Variants in UBN2 observed in about 807,000 individuals in gnomAD.
UBN2 encodes ubinuclein 2, also known as ubinuclein-2.
Under a neutral mutation model 120.2 loss-of-function variants are expected in UBN2, and 35 were observed. The ratio of observed to expected loss-of-function variants is 0.29; its 90% confidence interval spans 0.22 to 0.39. The LOEUF (loss-of-function observed/expected upper bound fraction) is 0.39. UBN2 is among the 10% of genes least tolerant of loss of function. The pLI is 1.00. For synonymous variants in UBN2, 661 were observed against 648.7 expected, an observed-to-expected ratio of 1.02 and a Z score of -0.29; for missense variants, 1,693 against 1,663.2, an observed-to-expected ratio of 1.02 and a Z score of -0.31.
chr7:139,257,445 G>C (rs1796793160), intron 3 of UBN2, among the ~76,000 whole-genome samples: 1 of 152,060 alleles, frequency 6.6e-6, no homozygotes, highest in Admixed American at 6.6e-5. Context: ...GTCTCGCTGT[G>C]TCACCCAGTC....
chr7:139,266,988 T>G (rs971640430), intron 7 of UBN2, among the ~76,000 whole-genome samples: 32 of 152,208 alleles, frequency 2.1e-4, no homozygotes, highest in Non-Finnish European at 4.3e-4. Context: ...TATATTTAAC[T>G]TAGCAATAAT....
chr7:139,319,969 C>T, the UBN2 span, among the ~76,000 whole-genome samples: 33 of 150,862 alleles, frequency 2.2e-4, no homozygotes, highest in African/African-American at 7.6e-4. Context: ...CCAGCTACTC[C>T]GGAGGCCAAG....
rs1280313977 is a variant in UBN2, at chr7:139,303,807, CATT to C, written c.*5974_*5976del. Reference sequence around the variant, plus strand: ...TTTAGATACATATTTGTTATTTAAACATTATCTTTGAGGTGGGATAAAATGTTT... The same window carrying C: ...TTTAGATACATATTTGTTATTTAAACATCTTTGAGGTGGGATAAAATGTTT... On this transcript the variant is annotated 3_prime_UTR_variant, in exon 18 of 18. Transcript: ENST00000473989. 2 of 152,112 alleles carry C rather than the reference CATT, an allele frequency of 1.3e-5. No homozygotes were observed. The highest frequency in any genetic ancestry group is 4.8e-5 in the African/African-American group (2 of 41,418). 9.4% of individuals were successfully genotyped at this position (152,112 alleles called of 1,614,324 possible). A position where few individuals can be genotyped will look rare whatever the true frequency, so the allele number is the denominator to read the frequency against.
chr7:139,308,696 A>G (rs1666082832), downstream of UBN2, among the ~76,000 whole-genome samples: 1 of 152,172 alleles, frequency 6.6e-6, no homozygotes, highest in Non-Finnish European at 1.5e-5. Flanking sequence ...GTAATAGGGT[A>G]TGTGTGTATT....
intron 6 of UBN2, among the ~76,000 whole-genome samples, chr7:139,262,539 T>A (rs554765910): frequency 2.6e-5 from 4 of 152,034 alleles, no homozygotes; most frequent in Non-Finnish European, 4.4e-5. Flanking sequence ...GGTGAAACCC[T>A]GTCTCTACTA....
intron 8 of UBN2, among the ~76,000 whole-genome samples, chr7:139,271,461 C>T (rs1206687572): frequency 6.6e-6 from 1 of 152,016 alleles, no homozygotes; most frequent in Non-Finnish European, 1.5e-5. Context: ...TGGCACACAC[C>T]TGTAGTCCCA....
At position 139,284,163 on chromosome 7, in the gene UBN2, T is replaced by A; in HGVS notation, c.3258T>A (p.Thr1086=). 1 of 1,614,150 alleles carries A rather than the reference T, an allele frequency of 6.2e-7. No individual in the cohort carries two copies. Among genetic ancestry groups the A allele is most frequent in the East Asian group, 2.2e-5 (1 of 44,888 alleles). ...AATCCAACCCAACTCCCAAGCCTAC[T>A]GTATCCCCAAGTAGTTCCAGTCCAA... ...ISKSNPTPKP[T]VSPSSSSPNA... The change falls in exon 15 of 18, where the codon ACT becomes ACA. Residue 1086 remains threonine, a synonymous_variant. Coordinates refer to ENST00000473989, the MANE Select transcript of UBN2 (RefSeq NM_173569.4).
chr7:139,282,764 A>G (rs929284708), intron 14 of UBN2, among the ~76,000 whole-genome samples: 1 of 152,260 alleles, frequency 6.6e-6, no homozygotes. Context: ...CTCATCAGTA[A>G]TGTAACTAGT....
chr7:139,310,322 A>AAAG (rs35982186), downstream of UBN2, among the ~76,000 whole-genome samples: 1,200 of 150,980 alleles, frequency 7.9e-3, 24 homozygotes, highest in African/African-American at 0.026. Flanking sequence ...AAAAAAAAAA[A>AAAG]GTTATATTTG....
the UBN2 span, among the ~76,000 whole-genome samples, chr7:139,324,568 A>G: frequency 1.3e-5 from 2 of 151,304 alleles, no homozygotes; most frequent in Non-Finnish European, 2.9e-5. Flanking sequence ...AAAAAAAAAA[A>G]AAAAAAAGAA....
At chr7:139,326,015 A>AC in the UBN2 span, among the ~76,000 whole-genome samples, 1 of 150,908 alleles carries the variant, frequency 6.6e-6, no homozygotes, top group South Asian at 2.1e-4. Flanking sequence ...ACATGGAGAA[A>AC]CCCCATCTCT....
At chr7:139,232,054 G>T (rs1462163397) in intron 1 of UBN2, 102 bp downstream of exon 1, 1 of 1,215,420 alleles carries the variant, frequency 8.2e-7, no homozygotes, top group East Asian at 3.0e-5. Flanking sequence ...AGCGCGTCCG[G>T]GTCGCCCCGA....
chr7:139,266,441 G>C (rs181832113), intron 7 of UBN2, 38 bp downstream of exon 7: 5 of 1,260,532 alleles, frequency 4.0e-6, no homozygotes, highest in Non-Finnish European at 5.6e-6. Flanking sequence ...CCTTAAGAAT[G>C]ATACATTAAA....
chr7:139,233,028 A>G (rs1488371415), intron 1 of UBN2, among the ~76,000 whole-genome samples: 5 of 152,244 alleles, frequency 3.3e-5, no homozygotes, highest in African/African-American at 4.8e-5. Context: ...AATGGACTCC[A>G]GAAGTCCCTT....
Position 139,307,184 on chromosome 7 carries a change from A to G in UBN2, c.*9348A>G, listed in dbSNP as rs1370005676. The G allele has an allele frequency of 6.6e-6, 1 of 152,234 alleles. No individual in the cohort carries two copies. Among genetic ancestry groups the G allele is most frequent in the African/African-American group, 2.4e-5 (1 of 41,462 alleles). The allele number at this position is 152,234 out of a possible 1,614,324, so 9.4% of individuals were successfully genotyped here. ...TTCAAAACCAATCTTGAAGGAGCCT[A>G]AAGAGTTGATGGTCCTCTAGGTGAA... On this transcript the variant is annotated 3_prime_UTR_variant, in exon 18 of 18. Transcript: ENST00000473989.
At chr7:139,323,322 T>C in the UBN2 span, among the ~76,000 whole-genome samples, 1 of 152,048 alleles carries the variant, frequency 6.6e-6, no homozygotes, top group East Asian at 1.9e-4. Context: ...GAGTATCAAA[T>C]GTCAAAATTA....
intron 3 of UBN2, among the ~76,000 whole-genome samples, chr7:139,257,251 G>C (rs1796788270): frequency 6.6e-6 from 1 of 152,184 alleles, no homozygotes; most frequent in Non-Finnish European, 1.5e-5. Context: ...ACATAAGTGT[G>C]ATTTAAACAA....
At chr7:139,290,435 A>G (rs539205960) in intron 15 of UBN2, among the ~76,000 whole-genome samples, 10 of 152,244 alleles carry the variant, frequency 6.6e-5, no homozygotes, top group Non-Finnish European at 1.5e-4. Flanking sequence ...TAAGTGTAAG[A>G]GCAAATTTTG....
At chr7:139,257,440 G>A (rs1584999656) in intron 3 of UBN2, among the ~76,000 whole-genome samples, 1 of 151,962 alleles carries the variant, frequency 6.6e-6, no homozygotes, top group African/African-American at 2.4e-5. Flanking sequence ...ACAGAGTCTC[G>A]CTGTGTCACC....
Sources: gnomAD v4.1 joint callset for allele counts (sites outside exome capture counted in the v4.1 genomes callset) on GRCh38, gnomAD v4.1.1 for gene constraint, MANE v1.5 for transcripts, NCBI Gene and HGNC (gene_info 2026-07-23, HGNC 2026-07-21) for gene names.